The following NELL2 variants were observed in gnomAD, a reference collection of about 807,000 sequenced individuals.
The protein encoded by NELL2 is protein kinase C-binding protein NELL2.
A neutral mutation model predicts 109.6 loss-of-function variants in NELL2; 41 were observed. The observed-to-expected ratio is 0.37, with a 90% CI of 0.29 to 0.49. The LOEUF is 0.49. NELL2 is among the 20% of genes least tolerant of loss of function. The pLI is 0.98. For synonymous variants in NELL2, 355 were observed against 344.7 expected (o/e 1.03, Z -0.33); for missense variants, 900 against 1,008.3 (o/e 0.89, Z 1.45).
intron 9 of NELL2, among the ~76,000 whole-genome samples, chr12:44,723,744 C>T (rs1566242036): frequency 6.6e-6 from 1 of 151,976 alleles, no homozygotes; most frequent in African/African-American, 2.4e-5. Flanking sequence ...TTTACTGACA[C>T]ATAATTTCAG....
At position 44,523,461 on chromosome 12, in the gene NELL2, T is replaced by G. The variant is rs748614100; in HGVS notation, c.1828A>C (p.Arg610=). Reference sequence around the variant, plus strand: ...ATGGTATCATTGGCACAGCTGTGCCTCCCGGTCCCACACTCATCAATATCT... The same window carrying G: ...ATGGTATCATTGGCACAGCTGTGCCGCCCGGTCCCACACTCATCAATATCT... ...CEDIDECGTG[R]HSCANDTICF... is the part of the protein sequence containing the mutation. The change falls in exon 17 of 20, where the codon AGG becomes CGG. Residue 610 remains arginine (R), a synonymous_variant. Coordinates refer to ENST00000429094, the MANE Select transcript of NELL2 (RefSeq NM_001145108.2). 6.2e-7 allele frequency: 1 copy of G among 1,613,716 alleles called. No homozygotes were observed. Among genetic ancestry groups the G allele is most frequent in the Admixed American group, 1.7e-5 (1 of 60,020 alleles).
chr12:44,512,873 G>A (rs1467905442), intron 19 of NELL2, among the ~76,000 whole-genome samples: 2 of 151,960 alleles, frequency 1.3e-5, no homozygotes, highest in African/African-American at 4.8e-5. Flanking sequence ...CAGCTAGATA[G>A]GAGGAATAAG....
In NELL2 at chr12:44,798,042, G is replaced by T. The variant is rs181778498; in HGVS notation, c.335+17944C>A. 5.8e-4 allele frequency among the ~76,000 whole-genome samples: 71 copies of T among 121,512 alleles called. 4 individuals are homozygous for T. The highest frequency in any genetic ancestry group is 2.0e-3 in the African/African-American group (67 of 34,224). The allele number at this position is 121,512 out of a possible 152,430, so 79.7% of individuals were successfully genotyped here. On this transcript the variant is annotated intron_variant, in intron 3 of 19. Transcript: ENST00000429094. ...GCATTCCATCCTAGATGGAATGATG[G>T]AATAAAAGCATTCCATCCTAGATGG... is the stretch of plus-strand genomic sequence containing the variant.
chr12:44,644,623 T>C (rs372834411), intron 13 of NELL2, among the ~76,000 whole-genome samples: 167 of 78,870 alleles, frequency 2.1e-3, no homozygotes, highest in African/African-American at 5.2e-3. Context: ...TATATATATA[T>C]ATACATACAT....
At position 44,832,520 on chromosome 12, in the gene NELL2, A is replaced by G. The variant is rs141951180; in HGVS notation, c.185-16384T>C. 2.5e-3 allele frequency among the ~76,000 whole-genome samples: 387 copies of G among 152,338 alleles called. 3 individuals are homozygous for G. Among genetic ancestry groups the G allele is most frequent in the African/African-American group, 8.8e-3 (365 of 41,576 alleles). ...CACAGTGATCTGCATGCAGAAAACA[A>G]TCAATAAGTATAGCTGACCGTCTTG... On this transcript the variant is annotated intron_variant, in intron 2 of 19. Transcript: ENST00000429094.
chr12:44,582,733 A>G (rs993733970), intron 15 of NELL2, among the ~76,000 whole-genome samples: 1 of 152,004 alleles, frequency 6.6e-6, no homozygotes, highest in Non-Finnish European at 1.5e-5. Flanking sequence ...GGAAGAACAG[A>G]GTATTGTTTG....
chr12:44,758,815 AG>A (rs1284732649), intron 9 of NELL2, among the ~76,000 whole-genome samples: 7 of 152,210 alleles, frequency 4.6e-5, no homozygotes, highest in Non-Finnish European at 1.0e-4. Flanking sequence ...TGAAATTCAA[AG>A]GGTTAACCAC....
At chr12:44,847,374 A>G (rs866397691) in intron 2 of NELL2, among the ~76,000 whole-genome samples, 1 of 152,188 alleles carries the variant, frequency 6.6e-6, no homozygotes, top group African/African-American at 2.4e-5. Context: ...CATATATCCT[A>G]TTAATATTTA....
At chr12:44,692,925 T>C (rs557055440) in intron 12 of NELL2, among the ~76,000 whole-genome samples, 1 of 152,304 alleles carries the variant, frequency 6.6e-6, no homozygotes, top group Non-Finnish European at 1.5e-5. Context: ...GCTATGAGCA[T>C]TGTTGAAATG....
intron 9 of NELL2, among the ~76,000 whole-genome samples, chr12:44,736,935 C>G (rs1939684368): frequency 6.6e-6 from 1 of 151,820 alleles, no homozygotes; most frequent in Non-Finnish European, 1.5e-5. Context: ...TAAATGTATG[C>G]ATTTATGTGA....
upstream of NELL2, among the ~76,000 whole-genome samples, chr12:44,917,404 A>T (rs1489754504): frequency 6.6e-6 from 1 of 152,202 alleles, no homozygotes; most frequent in African/African-American, 2.4e-5. Flanking sequence ...CCATATATGT[A>T]AGAAGAGGAT....
rs192023551 is a variant in NELL2 at position 44,727,472 on chromosome 12, C to T, written c.995-12731G>A. On this transcript the variant is annotated intron_variant, in intron 9 of 19. Coordinates refer to ENST00000429094, the MANE Select transcript of NELL2 (RefSeq NM_001145108.2). ...TTAAATAATTTGCTTATGAATATGACTGCAAAAAGAGTAATAAAAGTAACA... is the reference window on the plus strand; with the variant it reads ...TTAAATAATTTGCTTATGAATATGATTGCAAAAAGAGTAATAAAAGTAACA... Among the ~76,000 whole-genome samples the T allele has an allele frequency of 1.8e-3, 275 of 151,632 alleles. 2 individuals carry two copies. The highest frequency in any genetic ancestry group is 5.7e-3 in the African/African-American group (234 of 41,342).
chr12:44,611,075 C>T, intron 13 of NELL2, 105 bp from the exon 14 acceptor site: 1 of 1,081,274 alleles, frequency 9.2e-7, no homozygotes, highest in Non-Finnish European at 1.4e-6. Context: ...CTTTCAACCA[C>T]AGACATAACA....
rs1380119745 is a variant in NELL2 at position 44,607,280 on chromosome 12, T to C, written c.1568-16A>G. 8 of 1,606,086 alleles carry C rather than the reference T, an allele frequency of 5.0e-6. No homozygotes were observed. The highest frequency in any genetic ancestry group is 6.8e-6 in the Non-Finnish European group (8 of 1,174,884). ...TTGCAAAATGCTAAAATAATTCAGA[T>C]ACATGATTTTAGCACTTTAGAAGTA... On this transcript the variant is annotated splice_polypyrimidine_tract_variant and intron_variant, in intron 14 of 19. Coordinates refer to ENST00000429094, the MANE Select transcript of NELL2 (RefSeq NM_001145108.2).
At chr12:44,835,374 G>A (rs1281403148) in intron 2 of NELL2, among the ~76,000 whole-genome samples, 3 of 152,180 alleles carry the variant, frequency 2.0e-5, no homozygotes, top group African/African-American at 7.2e-5. Context: ...GCCTAAAAAA[G>A]TAACTCACAA....
chr12:44,542,562 A>T (rs1189051559), intron 15 of NELL2, among the ~76,000 whole-genome samples: 1 of 152,178 alleles, frequency 6.6e-6, no homozygotes, highest in African/African-American at 2.4e-5. Context: ...AGATATGATT[A>T]GGTGATAAAC....
intron 15 of NELL2, among the ~76,000 whole-genome samples, chr12:44,566,130 A>C (rs1207849243): frequency 6.6e-6 from 1 of 152,164 alleles, no homozygotes; most frequent in Non-Finnish European, 1.5e-5. Flanking sequence ...CTTCCTGGAG[A>C]GATTCAAAAG....
intron 19 of NELL2, among the ~76,000 whole-genome samples, chr12:44,509,471 T>C (rs1362685562): frequency 1.3e-5 from 2 of 152,088 alleles, no homozygotes; most frequent in African/African-American, 2.4e-5. Flanking sequence ...AGTGTGATGG[T>C]ATTAGGAGGT....
intron 13 of NELL2, among the ~76,000 whole-genome samples, chr12:44,636,377 G>C (rs1340693785): frequency 6.6e-6 from 1 of 152,084 alleles, no homozygotes; most frequent in African/African-American, 2.4e-5. Context: ...TCAAAGGACT[G>C]CTTCCAACTT....
Sources: gnomAD v4.1 joint callset for allele counts (sites outside exome capture counted in the v4.1 genomes callset) on GRCh38, gnomAD v4.1.1 for gene constraint, MANE v1.5 for transcripts, NCBI Gene and HGNC (gene_info 2026-07-23, HGNC 2026-07-21) for gene names.